MACROD2: variants seen among roughly 807,000 people sequenced by gnomAD.
MACROD2 encodes ADP-ribose glycohydrolase MACROD2.
A neutral mutation model predicts 70.4 loss-of-function variants in MACROD2; 36 were observed. That is an observed-to-expected ratio of 0.51 (90% CI 0.39 to 0.68). The LOEUF is 0.68. MACROD2 is among the 30% of genes least tolerant of loss of function. MACROD2 has a pLI of 0.00. For missense variants in MACROD2, 496 were observed against 538.4 expected, an observed-to-expected ratio of 0.92 and a Z score of 0.78; for synonymous variants, 172 against 178.8, an observed-to-expected ratio of 0.96 and a Z score of 0.30.
intron 4 of MACROD2, among the ~76,000 whole-genome samples, chr20:14,664,953 A>G (rs988806964): frequency 6.6e-6 from 1 of 152,104 alleles, no homozygotes; most frequent in Non-Finnish European, 1.5e-5. Flanking sequence ...AGGGGTAACA[A>G]ATGGTTACTA....
intron 3 of MACROD2, among the ~76,000 whole-genome samples, chr20:14,163,206 T>C (rs919393163): frequency 6.6e-6 from 1 of 152,218 alleles, no homozygotes; most frequent in Admixed American, 6.5e-5. Flanking sequence ...TTATGAAGGA[T>C]AAATTTTCTG....
At chr20:15,688,600 A>G (rs1313415925) in intron 8 of MACROD2, among the ~76,000 whole-genome samples, 1 of 152,216 alleles carries the variant, frequency 6.6e-6, no homozygotes, top group Non-Finnish European at 1.5e-5. Flanking sequence ...TTGTGATTCC[A>G]TATTCTTCTA....
At chr20:15,213,208 G>A (rs2076778981) in intron 5 of MACROD2, among the ~76,000 whole-genome samples, 1 of 152,150 alleles carries the variant, frequency 6.6e-6, no homozygotes, top group Non-Finnish European at 1.5e-5. Context: ...AGGAGAGTGG[G>A]CCCTAGAATG....
At chr20:14,443,320 A>G (rs113305166) in intron 3 of MACROD2, among the ~76,000 whole-genome samples, 1,840 of 142,086 alleles carry the variant, frequency 0.013, 45 homozygotes, top group African/African-American at 0.045. Flanking sequence ...TTTTTGAGGC[A>G]GTGTCTTGCT....
chr20:14,106,136 A>G (rs1252959232), intron 3 of MACROD2, among the ~76,000 whole-genome samples: 5 of 152,170 alleles, frequency 3.3e-5, no homozygotes, highest in Admixed American at 3.3e-4. Context: ...GACAGCATTT[A>G]TGGAACTGCC....
intron 6 of MACROD2, among the ~76,000 whole-genome samples, chr20:15,311,560 A>C (rs1016244230): frequency 3.3e-5 from 5 of 152,224 alleles, no homozygotes; most frequent in African/African-American, 1.2e-4. Context: ...TGGATTGGAT[A>C]AAGAAAACGT....
intron 5 of MACROD2, among the ~76,000 whole-genome samples, chr20:15,006,360 G>A: frequency 6.6e-6 from 1 of 152,036 alleles, no homozygotes; most frequent in Admixed American, 6.6e-5. Context: ...GCAGGGGAAC[G>A]GGGAGATGTT....
intron 3 of MACROD2, among the ~76,000 whole-genome samples, chr20:14,144,485 A>G (rs1439002167): frequency 6.6e-6 from 1 of 152,134 alleles, no homozygotes; most frequent in African/African-American, 2.4e-5. Context: ...CTTTTCATTC[A>G]TTCAACTAAT....
chr20:15,657,361 C>T (rs1042617348), intron 8 of MACROD2, among the ~76,000 whole-genome samples: 10 of 152,288 alleles, frequency 6.6e-5, no homozygotes, highest in Non-Finnish European at 8.8e-5. Flanking sequence ...AAATCGAATT[C>T]GGCTACCTGT....
At chr20:15,137,537 C>A in intron 5 of MACROD2, among the ~76,000 whole-genome samples, 1 of 120,724 alleles carries the variant, frequency 8.3e-6, no homozygotes. Context: ...GGAAAGGGAA[C>A]ATCACACTCT....
At chr20:15,368,449 A>G (rs1196877653) in intron 6 of MACROD2, among the ~76,000 whole-genome samples, 1 of 150,464 alleles carries the variant, frequency 6.6e-6, no homozygotes, top group Non-Finnish European at 1.5e-5. Context: ...TTTCTCTTCT[A>G]CCAATCACAA....
intron 3 of MACROD2, among the ~76,000 whole-genome samples, chr20:14,293,227 A>G (rs2082400436): frequency 6.6e-6 from 1 of 151,848 alleles, no homozygotes; most frequent in Non-Finnish European, 1.5e-5. Context: ...CTGGAGATAT[A>G]GCAGTGAACA....
At chr20:14,041,327 AT>A (rs1218499357) in intron 2 of MACROD2, among the ~76,000 whole-genome samples, 2 of 152,174 alleles carry the variant, frequency 1.3e-5, no homozygotes, top group African/African-American at 4.8e-5. Context: ...AATTCTGGAT[AT>A]GTGATAGTAA....
At chr20:14,128,182 A>G in intron 3 of MACROD2, 1 of 408,180 alleles carries the variant, frequency 2.4e-6, no homozygotes, top group South Asian at 2.2e-5. Flanking sequence ...TGGAGAGCCC[A>G]ACAAGGAACC....
intron 5 of MACROD2, among the ~76,000 whole-genome samples, chr20:14,796,029 T>G (rs1263257224): frequency 1.3e-5 from 2 of 152,118 alleles, no homozygotes; most frequent in African/African-American, 4.8e-5. Flanking sequence ...AGTTCCACAT[T>G]ATATGAAGTT....
intron 3 of MACROD2, among the ~76,000 whole-genome samples, chr20:14,131,813 T>C (rs1260532199): frequency 6.6e-6 from 1 of 152,024 alleles, no homozygotes; most frequent in East Asian, 1.9e-4. Context: ...CTGCAGCCTT[T>C]GGTTTAAGAG....
chr20:14,278,186 T>C (rs561161229), intron 3 of MACROD2, among the ~76,000 whole-genome samples: 1 of 152,356 alleles, frequency 6.6e-6, no homozygotes, highest in Non-Finnish European at 1.5e-5. Flanking sequence ...CAGAGTAATT[T>C]TAAATATTAA....
intron 5 of MACROD2, among the ~76,000 whole-genome samples, chr20:15,220,774 G>T (rs1056800200): frequency 6.6e-6 from 1 of 152,196 alleles, no homozygotes; most frequent in East Asian, 1.9e-4. Context: ...GAAAAAAATG[G>T]GGGGGGCTCT....
chr20:14,906,322 C>T (rs916391859), intron 5 of MACROD2, among the ~76,000 whole-genome samples: 18 of 152,198 alleles, frequency 1.2e-4, no homozygotes, highest in Admixed American at 3.3e-4. Flanking sequence ...GGCAAAACCC[C>T]GTCTCTACTA....
Sources: allele counts gnomAD v4.1 joint callset (sites outside exome capture counted in the v4.1 genomes callset), GRCh38; gene constraint gnomAD v4.1.1; transcripts MANE v1.5; gene names NCBI Gene and HGNC (gene_info 2026-07-23, HGNC 2026-07-21).